Variants in FSD1L observed in about 807,000 individuals in gnomAD.
FSD1L encodes FSD1-like protein.
In FSD1L, 45 loss-of-function variants were observed where a neutral mutation model predicts 71.6. The ratio of observed to expected loss-of-function variants is 0.63; its 90% CI spans 0.49 to 0.81. The LOEUF (loss-of-function observed/expected upper bound fraction) is 0.81. Ranked by LOEUF, FSD1L falls within the 30% of genes least tolerant of loss-of-function variation. FSD1L has a pLI of 0.00. For missense variants in FSD1L, 561 were observed against 618.1 expected, an observed-to-expected ratio of 0.91 and a Z score of 0.98; for synonymous variants, 197 against 207.2, an observed-to-expected ratio of 0.95 and a Z score of 0.42.
chr9:105,514,016 T>C (rs1181023811), intron 10 of FSD1L, among the ~76,000 whole-genome samples: 1 of 152,200 alleles, frequency 6.6e-6, no homozygotes, highest in Non-Finnish European at 1.5e-5. Context: ...GTTTGAAGAG[T>C]TCTCTGTTTT....
chr9:105,483,407 T>G (rs2131703369), intron 6 of FSD1L, among the ~76,000 whole-genome samples: 1 of 152,262 alleles, frequency 6.6e-6, no homozygotes, highest in Admixed American at 6.5e-5. Context: ...GGCCTAGTAT[T>G]CCCCTTGTCC....
At chr9:105,513,531 T>A (rs2131382233) in intron 10 of FSD1L, 1 of 1,330,102 alleles carries the variant, frequency 7.5e-7, no homozygotes, top group Non-Finnish European at 1.0e-6. Flanking sequence ...TTAATCTGAT[T>A]TCATTATAAG....
At chr9:105,520,089 T>TGTGGCAGTGGCA (rs576537000) in intron 10 of FSD1L, 41 of 1,583,456 alleles carry the variant, frequency 2.6e-5, no homozygotes, top group East Asian at 1.1e-4. Flanking sequence ...GGGAGCCGGC[T>TGTGGCAGTGGCA]GTGGCAGTGG....
At chr9:105,528,041 C>A (rs1835635636) in intron 10 of FSD1L, among the ~76,000 whole-genome samples, 1 of 152,162 alleles carries the variant, frequency 6.6e-6, no homozygotes, top group African/African-American at 2.4e-5. Flanking sequence ...AACTCTTATT[C>A]ACAATTGCTA....
chr9:105,452,731 C>T (rs1333704108), intron 1 of FSD1L, among the ~76,000 whole-genome samples: 3 of 141,436 alleles, frequency 2.1e-5, no homozygotes, highest in Admixed American at 7.2e-5. Flanking sequence ...TCCTTCTTTC[C>T]TCCTCTCCTC....
At chr9:105,510,733 T>G (rs1312829417) in intron 9 of FSD1L, among the ~76,000 whole-genome samples, 1 of 152,196 alleles carries the variant, frequency 6.6e-6, no homozygotes, top group Non-Finnish European at 1.5e-5. Flanking sequence ...AGTATATTAT[T>G]AGTTATTTTC....
At chr9:105,452,661 G>GCCTGCCTGCCTGCCTGCCTTCCTGCCTT (rs1830092738) in intron 1 of FSD1L, among the ~76,000 whole-genome samples, 1 of 95,204 alleles carries the variant, frequency 1.1e-5, no homozygotes, top group African/African-American at 3.9e-5. Flanking sequence ...CTGCCTGCCT[G>GCCTGCCTGCCTGCCTGCCTTCCTGCCTT]CCTGCCTGCC....
At chr9:105,494,481 G>C (rs1009988857) in intron 7 of FSD1L, among the ~76,000 whole-genome samples, 2 of 152,132 alleles carry the variant, frequency 1.3e-5, no homozygotes, top group South Asian at 4.2e-4. Context: ...TTGATCGTCT[G>C]AGGCCTTCTT....
At chr9:105,459,750 T>C (rs1457429413) in intron 1 of FSD1L, among the ~76,000 whole-genome samples, 1 of 152,226 alleles carries the variant, frequency 6.6e-6, no homozygotes, top group Non-Finnish European at 1.5e-5. Context: ...TTTGAAAATA[T>C]AGATGATCTT....
chr9:105,448,030 C>A, upstream of FSD1L: 1 of 628,864 alleles, frequency 1.6e-6, no homozygotes, highest in Non-Finnish European at 2.8e-6. Flanking sequence ...TTCTGCGGGC[C>A]GCCCTTTCAC....
At chr9:105,520,187 CAAG>C in intron 10 of FSD1L, 1 of 1,611,406 alleles carries the variant, frequency 6.2e-7, no homozygotes, top group Non-Finnish European at 8.5e-7. Context: ...TGCTAGACAC[CAAG>C]AAGGACGCAC....
upstream of FSD1L, chr9:105,447,958 G>A (rs914146716): frequency 7.5e-6 from 4 of 533,842 alleles, no homozygotes; most frequent in South Asian, 6.9e-5. Context: ...CACCCTCCAC[G>A]GCTACTTCCC....
chr9:105,484,850 T>C (rs993470840), intron 7 of FSD1L, among the ~76,000 whole-genome samples: 6 of 152,124 alleles, frequency 3.9e-5, no homozygotes, highest in African/African-American at 1.4e-4. Flanking sequence ...ACTTGCTTCA[T>C]TTTTAACATC....
At chr9:105,478,416 A>G (rs922312561) in intron 5 of FSD1L, among the ~76,000 whole-genome samples, 1 of 152,214 alleles carries the variant, frequency 6.6e-6, no homozygotes, top group African/African-American at 2.4e-5. Flanking sequence ...AATAAGTTTA[A>G]TAATTATTAA....
rs1466923592 is a variant in FSD1L at position 105,525,604 on chromosome 9, C to T, written c.1026-8889C>T. 8 of 1,612,780 alleles carry T rather than the reference C, an allele frequency of 5.0e-6. No homozygotes were observed. In the Admixed American group the frequency reaches 1.0e-4, roughly 20 times the overall value. On this transcript the variant is annotated intron_variant, in intron 10 of 13. Coordinates refer to ENST00000481272, the MANE Select transcript of FSD1L (RefSeq NM_001145313.3). ...GGACAAACGGAGGAGCTTTCATCTC[C>T]TGAAGAAAAATGAAAAGCTACTTAG...
rs1209636657 is a variant in FSD1L at position 105,551,849 on chromosome 9, A to G, written c.*5366A>G. On this transcript the variant is annotated 3_prime_UTR_variant, in exon 14 of 14. Coordinates refer to ENST00000481272, the MANE Select transcript of FSD1L (RefSeq NM_001145313.3). Reference sequence around the variant, plus strand: ...TGAAGTTAGGGCTGCCCAGTGCCACATGCAAAGAGTGTATTTGGTCTAAAC... The same window carrying G: ...TGAAGTTAGGGCTGCCCAGTGCCACGTGCAAAGAGTGTATTTGGTCTAAAC... 6.6e-6 allele frequency: 1 copy of G among 152,206 alleles called. No individual in the cohort carries two copies. The highest frequency in any genetic ancestry group is 1.5e-5 in the Non-Finnish European group (1 of 68,022). 9.4% of individuals were successfully genotyped at this position (152,206 alleles called of 1,614,324 possible). A position where few individuals can be genotyped will look rare whatever the true frequency, so the allele number is the denominator to read the frequency against.
chr9:105,541,308 T>G (rs1836598071), intron 13 of FSD1L, among the ~76,000 whole-genome samples: 1 of 151,084 alleles, frequency 6.6e-6, no homozygotes, highest in Non-Finnish European at 1.5e-5. Flanking sequence ...TTTTTTTAAC[T>G]TTGTACAAAC....
chr9:105,524,411 G>A, intron 10 of FSD1L: 1 of 1,613,728 alleles, frequency 6.2e-7, no homozygotes, highest in South Asian at 1.1e-5. Context: ...TGGACAAGAG[G>A]TTGGTAGTAT....
At chr9:105,459,267 T>G (rs918614232) in intron 1 of FSD1L, among the ~76,000 whole-genome samples, 1 of 152,206 alleles carries the variant, frequency 6.6e-6, no homozygotes, top group African/African-American at 2.4e-5. Flanking sequence ...GGTGCTGTGG[T>G]GGTAGTTTTG....
Sources: allele counts gnomAD v4.1 joint callset (sites outside exome capture counted in the v4.1 genomes callset), GRCh38; gene constraint gnomAD v4.1.1; transcripts MANE v1.5; gene names NCBI Gene and HGNC (gene_info 2026-07-23, HGNC 2026-07-21).